Variants in PGAP4 observed in about 807,000 individuals in gnomAD.
PGAP4 encodes post-GPI attachment to proteins GalNAc transferase 4, also known as GPI-N-acetylgalactosamine transferase PGAP4.
A neutral mutation model predicts 28.2 loss-of-function variants in PGAP4; 12 were observed. That is an observed-to-expected ratio of 0.42 (90% confidence interval 0.27 to 0.69). The LOEUF is 0.69. PGAP4 is among the 30% of genes least tolerant of loss of function. The pLI, the probability that PGAP4 is intolerant of heterozygous loss-of-function variation, is 0.22. For synonymous variants in PGAP4, 205 were observed against 211.8 expected, an observed-to-expected ratio of 0.97 and a Z score of 0.28; for missense variants, 425 against 513.5, an observed-to-expected ratio of 0.83 and a Z score of 1.67.
At chr9:101,505,831 T>G (rs1050900013) in intron 2 of PGAP4, among the ~76,000 whole-genome samples, 2 of 152,124 alleles carry the variant, frequency 1.3e-5, no homozygotes, top group South Asian at 4.1e-4. Context: ...AATTATCTGG[T>G]TCGTAAAAAC....
chr9:101,487,060 G>A lies in PGAP4; in HGVS notation c.-189C>T, dbSNP rs1208184379. 5 of 152,480 alleles carry A rather than the reference G, an allele frequency of 3.3e-5. No homozygotes were observed. The highest frequency in any genetic ancestry group is 9.6e-5 in the African/African-American group (4 of 41,594). 9.4% of individuals were successfully genotyped at this position (152,480 alleles called of 1,614,324 possible). A position where few individuals can be genotyped will look rare whatever the true frequency, so the allele number is the denominator to read the frequency against. ...GCGCCATCTCCGGGGCCCGGAAGGA[G>A]CGGGCGCAGCGCGGTTTGGGTGTGC... On this transcript the variant is annotated 5_prime_UTR_variant, in exon 1 of 2. Coordinates refer to ENST00000374848, the MANE Select transcript of PGAP4 (RefSeq NM_032342.3).
At chr9:101,501,028 C>G (rs1326459181) in intron 2 of PGAP4, among the ~76,000 whole-genome samples, 1 of 152,012 alleles carries the variant, frequency 6.6e-6, no homozygotes, top group Admixed American at 6.6e-5. Context: ...AATTATTTTT[C>G]TTCAAGTGGA....
chr9:101,531,777 G>C (rs181474315), intron 1 of PGAP4, among the ~76,000 whole-genome samples: 82 of 152,312 alleles, frequency 5.4e-4, no homozygotes, highest in African/African-American at 1.9e-3. Context: ...GTGAGGGAAG[G>C]GGAATAGCTG....
chr9:101,519,656 C>CAT (rs915209870), intron 2 of PGAP4, among the ~76,000 whole-genome samples: 12 of 149,356 alleles, frequency 8.0e-5, no homozygotes, highest in South Asian at 6.3e-4. Flanking sequence ...TATATACATA[C>CAT]ATATATATAT....
intron 2 of PGAP4, among the ~76,000 whole-genome samples, chr9:101,520,983 T>C (rs1175820304): frequency 6.6e-6 from 1 of 152,192 alleles, no homozygotes; most frequent in Non-Finnish European, 1.5e-5. Flanking sequence ...GATCATGTGA[T>C]TTTTGTTTTT....
rs577034377 is a variant in PGAP4, at chr9:101,523,885, G to T, written c.-165+7463C>A. ...TAGGCTCTGTCAGAGGCAAGGTCTA[G>T]GGTGGAAGGCTATTGTTCAGATTCT... On this transcript the variant is annotated intron_variant, in intron 2 of 3. Transcript: ENST00000374851. 1.7e-3 allele frequency among the ~76,000 whole-genome samples: 252 copies of T among 151,998 alleles called. 4 individuals are homozygous for T. The highest frequency in any genetic ancestry group is 1.2e-3 in the Non-Finnish European group (83 of 67,976).
intron 2 of PGAP4, among the ~76,000 whole-genome samples, chr9:101,511,236 A>G (rs1247638574): frequency 6.6e-6 from 1 of 152,134 alleles, no homozygotes; most frequent in African/African-American, 2.4e-5. Context: ...AATACAGATA[A>G]AGCTTCACTT....
At chr9:101,494,376 A>C (rs1826717806) in intron 2 of PGAP4, among the ~76,000 whole-genome samples, 1 of 151,966 alleles carries the variant, frequency 6.6e-6, no homozygotes, top group Non-Finnish European at 1.5e-5. Context: ...CTTTGTTTAC[A>C]AAAGTATACT....
intron 2 of PGAP4, among the ~76,000 whole-genome samples, chr9:101,528,560 G>A (rs1413661624): frequency 6.6e-6 from 1 of 152,108 alleles, no homozygotes; most frequent in African/African-American, 2.4e-5. Context: ...CAGTGATGCT[G>A]TTCTTTCTCC....
At chr9:101,519,970 A>C (rs1826975087) in intron 2 of PGAP4, among the ~76,000 whole-genome samples, 1 of 152,232 alleles carries the variant, frequency 6.6e-6, no homozygotes, top group East Asian at 1.9e-4. Context: ...CATTTGTTGA[A>C]TAGAGTGTCC....
intron 2 of PGAP4, among the ~76,000 whole-genome samples, chr9:101,530,960 C>T (rs761592184): frequency 1.3e-5 from 2 of 152,036 alleles, no homozygotes; most frequent in Non-Finnish European, 2.9e-5. Context: ...GCAGATTACC[C>T]TCCAAAATGT....
At chr9:101,477,847 C>A (rs1826370940) in intron 1 of PGAP4, among the ~76,000 whole-genome samples, 1 of 152,096 alleles carries the variant, frequency 6.6e-6, no homozygotes, top group Non-Finnish European at 1.5e-5. Flanking sequence ...AGCAAGCAAA[C>A]TCTAGAGCCC....
intron 2 of PGAP4, among the ~76,000 whole-genome samples, chr9:101,501,395 A>C (rs1039812501): frequency 6.6e-6 from 1 of 152,114 alleles, no homozygotes; most frequent in Non-Finnish European, 1.5e-5. Context: ...GACAAGCAGG[A>C]AGAAGAGCCG....
At chr9:101,519,512 C>G (rs932601608) in intron 2 of PGAP4, among the ~76,000 whole-genome samples, 58 of 152,010 alleles carry the variant, frequency 3.8e-4, no homozygotes, top group Admixed American at 3.7e-3. Flanking sequence ...TTCTGGATAT[C>G]CTTTGTCAGA....
upstream of PGAP4, among the ~76,000 whole-genome samples, chr9:101,491,333 G>A (rs541432355): frequency 6.6e-6 from 1 of 152,094 alleles, no homozygotes; most frequent in East Asian, 1.9e-4. Context: ...CAGCTAGCTG[G>A]TTGGTTCTTC....
rs1029403538 is a variant in PGAP4, at chr9:101,487,080, G to C, written c.-209C>G. ...AAGGAGCGGGCGCAGCGCGGTTTGG[G>C]TGTGCGCCGGAGCCTCACCTCCTCC... On this transcript the variant is annotated 5_prime_UTR_variant, in exon 1 of 2. Coordinates refer to ENST00000374848, the MANE Select transcript of PGAP4 (RefSeq NM_032342.3). 7.9e-5 allele frequency: 12 copies of C among 152,320 alleles called. No homozygotes were observed. The highest frequency in any genetic ancestry group is 2.7e-4 in the African/African-American group (11 of 41,460). The allele number at this position is 152,320 out of a possible 1,614,324, so 9.4% of individuals were successfully genotyped here. A position where few individuals can be genotyped will look rare whatever the true frequency, so the allele number is the denominator to read the frequency against.
chr9:101,475,610 T>C lies in PGAP4; in HGVS notation c.*271A>G, dbSNP rs1013422559. 2.1e-6 allele frequency: 1 copy of C among 472,536 alleles called. No homozygotes were observed. The highest frequency in any genetic ancestry group is 3.8e-6 in the Non-Finnish European group (1 of 266,246). The allele number at this position is 472,536 out of a possible 1,614,324, so 29.3% of individuals were successfully genotyped here. ...AAACAAATGGAGAATATAATCAGTG[T>C]TCAAATGCACCCTCACTGGGTGGGT... On this transcript the variant is annotated 3_prime_UTR_variant, in exon 2 of 2. Coordinates refer to ENST00000374848, the MANE Select transcript of PGAP4 (RefSeq NM_032342.3).
At chr9:101,506,279 G>T (rs955484492) in intron 2 of PGAP4, among the ~76,000 whole-genome samples, 1 of 151,988 alleles carries the variant, frequency 6.6e-6, no homozygotes, top group Non-Finnish European at 1.5e-5. Flanking sequence ...ACCCAATTTT[G>T]GTAGACACTC....
intron 1 of PGAP4, among the ~76,000 whole-genome samples, chr9:101,477,759 A>C (rs1250210881): frequency 6.6e-6 from 1 of 152,222 alleles, no homozygotes; most frequent in East Asian, 1.9e-4. Context: ...TTAACATTGC[A>C]TATTAATTTA....
Sources: gnomAD v4.1 joint callset for allele counts (sites outside exome capture counted in the v4.1 genomes callset) on GRCh38, gnomAD v4.1.1 for gene constraint, MANE v1.5 for transcripts, NCBI Gene and HGNC (gene_info 2026-07-23, HGNC 2026-07-21) for gene names.